The following BANK1 variants were observed in gnomAD, a reference collection of about 807,000 sequenced individuals.
BANK1 encodes B cell scaffold protein with ankyrin repeats 1.
In BANK1, 95 loss-of-function variants were observed where a neutral mutation model predicts 94.5. The ratio of observed to expected loss-of-function variants is 1.00; its 90% confidence interval spans 0.85 to 1.19. BANK1 has a LOEUF of 1.19. Among genes scored for constraint, BANK1 ranks in the 50% most tolerant of loss-of-function variants. The probability of loss-of-function intolerance (pLI) is 0.00; values close to 1 mark genes in which losing one functional copy is unlikely to be tolerated. For missense variants in BANK1, 987 were observed against 932.2 expected, an observed-to-expected ratio of 1.06 and a Z score of -0.77; for synonymous variants, 334 against 308.4, an observed-to-expected ratio of 1.08 and a Z score of -0.87.
rs377660856 is a variant in BANK1, at chr4:101,962,624, G to C, written c.1206+44435G>C. Among the ~76,000 whole-genome samples, 5 of 152,110 alleles carry C rather than the reference G, an allele frequency of 3.3e-5. No individual in the cohort carries two copies. The South Asian group carries it at 6.2e-4, about 19-fold the overall frequency. ...TTTTACTAGTTCTGCTATTTTCCCT[G>C]TCATCTGAAGTTGAATGGTTACTTT... On this transcript the variant is annotated intron_variant, in intron 7 of 16. Coordinates refer to ENST00000322953, the MANE Select transcript of BANK1 (RefSeq NM_017935.5).
intron 5 of BANK1, among the ~76,000 whole-genome samples, chr4:101,893,741 C>T (rs774027898): frequency 2.6e-5 from 4 of 152,038 alleles, no homozygotes; most frequent in Admixed American, 6.6e-5. Flanking sequence ...TACTCAACTA[C>T]ATAAACAATC....
chr4:101,913,822 C>T (rs989146930), intron 6 of BANK1, among the ~76,000 whole-genome samples: 3 of 152,132 alleles, frequency 2.0e-5, no homozygotes, highest in African/African-American at 4.8e-5. Context: ...AGGGTGAATT[C>T]CATCCACTAG....
At chr4:101,848,590 C>A (rs745606454) in intron 2 of BANK1, among the ~76,000 whole-genome samples, 1 of 152,112 alleles carries the variant, frequency 6.6e-6, no homozygotes, top group Admixed American at 6.5e-5. Flanking sequence ...TACAGTCATG[C>A]ACTTGAGATA....
At chr4:101,953,186 C>T (rs78797893) in intron 7 of BANK1, among the ~76,000 whole-genome samples, 83 of 152,244 alleles carry the variant, frequency 5.5e-4, no homozygotes, top group Admixed American at 1.1e-3. Flanking sequence ...TGGAGGTGAT[C>T]GTGCTCTTTC....
intron 13 of BANK1, among the ~76,000 whole-genome samples, chr4:102,068,310 G>A (rs1728653968): frequency 1.3e-5 from 2 of 151,642 alleles, no homozygotes; most frequent in Non-Finnish European, 1.5e-5. Flanking sequence ...TTCAAAAAGA[G>A]GTAAGAGGAG....
chr4:101,960,288 C>T (rs1353552294), intron 7 of BANK1, among the ~76,000 whole-genome samples: 1 of 151,964 alleles, frequency 6.6e-6, no homozygotes, highest in Non-Finnish European at 1.5e-5. Context: ...GCTTAAGGAC[C>T]TTATTCTATA....
At chr4:101,892,479 C>G (rs1721909602) in intron 5 of BANK1, among the ~76,000 whole-genome samples, 1 of 151,014 alleles carries the variant, frequency 6.6e-6, no homozygotes, top group Non-Finnish European at 1.5e-5. Context: ...TTTCTGTTTT[C>G]TTTTTCCAAT....
intron 6 of BANK1, among the ~76,000 whole-genome samples, chr4:101,905,695 A>G (rs10856964): frequency 0.88 from 133,371 of 152,114 alleles, 58,773 homozygotes; most frequent in African/African-American, 0.92. Context: ...GCTTTATGCA[A>G]ATTGCCTCCG....
chr4:102,074,356 T>TAACC lies in BANK1; in HGVS notation c.*358_*361dup, dbSNP rs1728855110. On this transcript the variant is annotated 3_prime_UTR_variant, in exon 17 of 17. Coordinates refer to ENST00000322953, the MANE Select transcript of BANK1 (RefSeq NM_017935.5). ...AGTTATGGGGTCTGCTTGAGGGCACTAACCTCAACAGATTATTCCTCCTCT... is the reference window on the plus strand; with the variant it reads ...AGTTATGGGGTCTGCTTGAGGGCACTAACCAACCTCAACAGATTATTCCTCCTCT... The TAACC allele has an allele frequency of 3.9e-5, 6 of 152,076 alleles. No individual in the cohort carries two copies. Among genetic ancestry groups the TAACC allele is most frequent in the Admixed American group, 3.9e-4 (6 of 15,276 alleles). 9.4% of individuals were successfully genotyped at this position (152,076 alleles called of 1,614,324 possible). A position where few individuals can be genotyped will look rare whatever the true frequency, so the allele number is the denominator to read the frequency against.
chr4:102,064,084 C>T (rs1728513565), intron 13 of BANK1, among the ~76,000 whole-genome samples: 1 of 152,080 alleles, frequency 6.6e-6, no homozygotes, highest in African/African-American at 2.4e-5. Flanking sequence ...CACTGTTTCC[C>T]CAAGACTCTC....
rs192050493 is a variant in BANK1 at position 101,809,840 on chromosome 4, G to A, written c.70+18890G>A. Among the ~76,000 whole-genome samples the A allele has an allele frequency of 2.2e-4, 34 of 152,324 alleles. No homozygotes were observed. The East Asian group carries it at 6.4e-3, about 29-fold the overall frequency. ...GGAACTATAGCTGAAAGCAGTGTTC[G>A]GATGGTGTGGTAGACAGAACAATGG... On this transcript the variant is annotated intron_variant, in intron 1 of 16. Coordinates refer to ENST00000322953, the MANE Select transcript of BANK1 (RefSeq NM_017935.5).
Position 101,925,170 on chromosome 4 carries a change from C to CTATT in BANK1, c.1206+6982_1206+6985dup, listed in dbSNP as rs57688565. On this transcript the variant is annotated intron_variant, in intron 7 of 16. Transcript: ENST00000322953. ...TACCTTGTAGTATTTATTTGAATAT[C>CTATT]TATTCTCACTTTTGAAAAAATATTA... 6.2e-3 allele frequency among the ~76,000 whole-genome samples: 945 copies of CTATT among 151,642 alleles called. 6 individuals are homozygous for CTATT. The highest frequency in any genetic ancestry group is 0.021 in the African/African-American group (877 of 41,434).
At chr4:101,825,157 A>G (rs1306155486) in intron 1 of BANK1, among the ~76,000 whole-genome samples, 2 of 152,156 alleles carry the variant, frequency 1.3e-5, no homozygotes, top group Non-Finnish European at 2.9e-5. Context: ...TTCCATCTTC[A>G]ATAGTAATGT....
intron 7 of BANK1, among the ~76,000 whole-genome samples, chr4:102,009,257 T>C (rs893488750): frequency 6.6e-6 from 1 of 152,194 alleles, no homozygotes; most frequent in African/African-American, 2.4e-5. Flanking sequence ...ACTATACAAC[T>C]GGGGTTTCCC....
In BANK1 at chr4:102,025,448, C is replaced by A; in HGVS notation, c.1533C>A (p.Leu511=). 1 of 1,613,894 alleles carries A rather than the reference C, an allele frequency of 6.2e-7. No homozygotes were observed. The highest frequency in any genetic ancestry group is 8.5e-7 in the Non-Finnish European group (1 of 1,179,880). Residue 511 remains leucine (L), a synonymous_variant, in exon 9 of 17, where the codon CTC becomes CTA. Transcript: ENST00000322953. ...CACTCATGAGCAGCAGACCTCCTCT[C>A]CCCCCGCCGCGACCTGTAGCTAATG... ...QEPLMSSRPP[L]PPPRPVANAF... is the part of the protein sequence containing the mutation.
chr4:101,795,926 G>T (rs1383695417), intron 1 of BANK1, among the ~76,000 whole-genome samples: 1 of 152,222 alleles, frequency 6.6e-6, no homozygotes, highest in African/African-American at 2.4e-5. Context: ...TTAATGGCCA[G>T]TGCCCTGTGT....
intron 1 of BANK1, among the ~76,000 whole-genome samples, chr4:101,807,202 C>T (rs1286714284): frequency 5.3e-5 from 8 of 152,134 alleles, no homozygotes; most frequent in Non-Finnish European, 7.3e-5. Flanking sequence ...TTCTACCTGT[C>T]CTCTTGTACA....
chr4:101,852,088 C>G (rs1385501947), intron 2 of BANK1, among the ~76,000 whole-genome samples: 1 of 152,002 alleles, frequency 6.6e-6, no homozygotes, highest in East Asian at 1.9e-4. Flanking sequence ...TGTCTCTGTT[C>G]ATTTAGTTCC....
At position 102,051,573 on chromosome 4, in the gene BANK1, T is replaced by C. The variant is rs1397889315; in HGVS notation, c.1969+7666T>C. 2.0e-5 allele frequency among the ~76,000 whole-genome samples: 3 copies of C among 152,284 alleles called. No individual in the cohort carries two copies. The East Asian group carries it at 5.8e-4, about 29-fold the overall frequency. On this transcript the variant is annotated intron_variant, in intron 11 of 16. Coordinates refer to ENST00000322953, the MANE Select transcript of BANK1 (RefSeq NM_017935.5). Reference sequence around the variant, plus strand: ...TAATTCTAAGGTTGAGAAAAGTTAATTGAGACAAATTAAAAAATCAGTAGT... The same window carrying C: ...TAATTCTAAGGTTGAGAAAAGTTAACTGAGACAAATTAAAAAATCAGTAGT...
Sources: allele counts gnomAD v4.1 joint callset (sites outside exome capture counted in the v4.1 genomes callset), GRCh38; gene constraint gnomAD v4.1.1; transcripts MANE v1.5; gene names NCBI Gene and HGNC (gene_info 2026-07-23, HGNC 2026-07-21).